The following CCBE1 variants were observed in gnomAD, a reference collection of about 807,000 sequenced individuals.
The protein encoded by CCBE1 is collagen and calcium-binding EGF domain-containing protein 1.
Under a neutral mutation model 50.0 loss-of-function variants are expected in CCBE1, and 37 were observed. The observed-to-expected ratio is 0.74, with a 90% CI of 0.57 to 0.97. CCBE1 has a LOEUF of 0.97. Among genes scored for constraint, CCBE1 ranks in the 50% least tolerant of loss-of-function variants. The pLI is 0.00. For missense variants in CCBE1, 538 were observed against 523.8 expected, an observed-to-expected ratio of 1.03 and a Z score of -0.26; for synonymous variants, 234 against 203.7, an observed-to-expected ratio of 1.15 and a Z score of -1.27.
At chr18:59,661,690 C>T (rs376503564) in intron 2 of CCBE1, among the ~76,000 whole-genome samples, 19 of 152,196 alleles carry the variant, frequency 1.2e-4, no homozygotes, top group South Asian at 1.0e-3. Context: ...TCTGTTGGCC[C>T]GGCATGGTGG....
intron 2 of CCBE1, among the ~76,000 whole-genome samples, chr18:59,690,507 G>A (rs1450831560): frequency 2.0e-5 from 3 of 152,222 alleles, no homozygotes; most frequent in Non-Finnish European, 4.4e-5. Context: ...GCTGCTGATT[G>A]AAATGCAAGC....
At chr18:59,461,906 G>C (rs1911501837) in intron 5 of CCBE1, among the ~76,000 whole-genome samples, 1 of 151,860 alleles carries the variant, frequency 6.6e-6, no homozygotes, top group Admixed American at 6.6e-5. Flanking sequence ...CTAATGTTTT[G>C]TATTTTTAGT....
At chr18:59,512,757 A>G (rs966703131) in intron 2 of CCBE1, among the ~76,000 whole-genome samples, 7 of 152,200 alleles carry the variant, frequency 4.6e-5, no homozygotes, top group East Asian at 1.9e-4. Flanking sequence ...GGAAAAGGGT[A>G]TTATTGAGAT....
At chr18:59,471,187 A>G (rs1056463749) in intron 3 of CCBE1, among the ~76,000 whole-genome samples, 2 of 152,202 alleles carry the variant, frequency 1.3e-5, no homozygotes, top group African/African-American at 4.8e-5. Flanking sequence ...TGAGTTGATC[A>G]TGGTGCCTAA....
chr18:59,560,342 C>A (rs2052716639), intron 2 of CCBE1, among the ~76,000 whole-genome samples: 1 of 152,146 alleles, frequency 6.6e-6, no homozygotes, highest in African/African-American at 2.4e-5. Context: ...AGCAAACTAA[C>A]ACGGGAACAG....
chr18:59,588,269 A>G (rs2053206637), intron 2 of CCBE1, among the ~76,000 whole-genome samples: 1 of 152,162 alleles, frequency 6.6e-6, no homozygotes, highest in African/African-American at 2.4e-5. Flanking sequence ...TTGGATTAAG[A>G]GGTAAATATT....
At chr18:59,543,205 G>A (rs1204897533) in intron 2 of CCBE1, among the ~76,000 whole-genome samples, 1 of 152,124 alleles carries the variant, frequency 6.6e-6, no homozygotes, top group Non-Finnish European at 1.5e-5. Context: ...CTAGGATTCT[G>A]CACAAATGAC....
intron 2 of CCBE1, among the ~76,000 whole-genome samples, chr18:59,608,422 G>A (rs1428541043): frequency 6.6e-6 from 1 of 152,174 alleles, no homozygotes; most frequent in Non-Finnish European, 1.5e-5. Flanking sequence ...AAGACAAAAT[G>A]ATTTAGTGTT....
chr18:59,557,333 A>G (rs190468877), intron 2 of CCBE1, among the ~76,000 whole-genome samples: 1 of 152,112 alleles, frequency 6.6e-6, no homozygotes, highest in Non-Finnish European at 1.5e-5. Flanking sequence ...GCACCCACAC[A>G]ACTGCATGAG....
chr18:59,696,169 C>T (rs2054801124), intron 2 of CCBE1, among the ~76,000 whole-genome samples: 1 of 152,174 alleles, frequency 6.6e-6, no homozygotes, highest in Admixed American at 6.5e-5. Flanking sequence ...ACTCACAATC[C>T]TCCCCCTACT....
intron 2 of CCBE1, among the ~76,000 whole-genome samples, chr18:59,606,458 G>A (rs185310916): frequency 3.2e-4 from 49 of 152,272 alleles, no homozygotes; most frequent in Admixed American, 2.6e-3. Context: ...TACTTAACAG[G>A]ACTGTCATGA....
intron 2 of CCBE1, among the ~76,000 whole-genome samples, chr18:59,604,798 C>T (rs1178226026): frequency 6.6e-6 from 1 of 152,210 alleles, no homozygotes. Context: ...GTTTTGTTGG[C>T]TTAGCAGTAA....
At chr18:59,677,880 A>G (rs1163019450) in intron 2 of CCBE1, among the ~76,000 whole-genome samples, 3 of 152,192 alleles carry the variant, frequency 2.0e-5, no homozygotes, top group Non-Finnish European at 4.4e-5. Flanking sequence ...TTATATATGT[A>G]CAAAAAAATT....
intron 2 of CCBE1, among the ~76,000 whole-genome samples, chr18:59,528,684 C>T (rs527279759): frequency 2.0e-5 from 3 of 152,190 alleles, no homozygotes; most frequent in African/African-American, 7.2e-5. Flanking sequence ...GTTGTTATTG[C>T]TGTTTGTTTT....
At chr18:59,682,403 C>G (rs1425535714) in intron 2 of CCBE1, among the ~76,000 whole-genome samples, 1 of 152,140 alleles carries the variant, frequency 6.6e-6, no homozygotes, top group East Asian at 1.9e-4. Context: ...GAACCACGTG[C>G]TATCTGGTTA....
chr18:59,604,136 A>G (rs1214774151), intron 2 of CCBE1, among the ~76,000 whole-genome samples: 3 of 152,242 alleles, frequency 2.0e-5, no homozygotes, highest in African/African-American at 7.2e-5. Context: ...AAGAAACTGG[A>G]AAACTTATCT....
chr18:59,437,156 T>C (rs1910196032), intron 10 of CCBE1, among the ~76,000 whole-genome samples: 1 of 152,180 alleles, frequency 6.6e-6, no homozygotes, highest in Admixed American at 6.5e-5. Flanking sequence ...TTTATCATCA[T>C]ATAGTATTTA....
chr18:59,546,041 G>C (rs2094568136), intron 2 of CCBE1, among the ~76,000 whole-genome samples: 1 of 152,226 alleles, frequency 6.6e-6, no homozygotes, highest in Admixed American at 6.5e-5. Context: ...AATTGGCCCA[G>C]TCATGAACTT....
At chr18:59,507,825 T>C (rs1913944976) in intron 2 of CCBE1, among the ~76,000 whole-genome samples, 1 of 152,206 alleles carries the variant, frequency 6.6e-6, no homozygotes, top group Non-Finnish European at 1.5e-5. Context: ...CATCTTTCCC[T>C]GTATCCTTAT....
Sources: gnomAD v4.1 joint callset for allele counts (sites outside exome capture counted in the v4.1 genomes callset) on GRCh38, gnomAD v4.1.1 for gene constraint, MANE v1.5 for transcripts, NCBI Gene and HGNC (gene_info 2026-07-23, HGNC 2026-07-21) for gene names.